CACNA1D: variants seen among roughly 807,000 people sequenced by gnomAD.
CACNA1D encodes calcium voltage-gated channel subunit alpha1 D, also known as voltage-dependent L-type calcium channel subunit alpha-1D.
CACNA1D carries 55 observed loss-of-function variants against 257.1 expected under a neutral mutation model. The observed-to-expected ratio is 0.21, with a 90% CI of 0.17 to 0.27. CACNA1D has a LOEUF of 0.27. Among genes scored for constraint, CACNA1D ranks in the 10% least tolerant of loss-of-function variants. The pLI is 1.00. For synonymous variants in CACNA1D, 980 were observed against 1,014.9 expected, an observed-to-expected ratio of 0.97 and a Z score of 0.65; for missense variants, 1,876 against 2,784.0, an observed-to-expected ratio of 0.67 and a Z score of 7.34.
intron 39 of CACNA1D, chr3:53,782,377 T>C (rs962257694): frequency 2.6e-5 from 4 of 151,214 alleles, no homozygotes; most frequent in Admixed American, 2.6e-4. Flanking sequence ...TTTCCAAGTT[T>C]TAAAGGTGCA....
intron 9 of CACNA1D, among the ~76,000 whole-genome samples, chr3:53,709,263 T>A (rs2094724313): frequency 6.6e-6 from 1 of 152,200 alleles, no homozygotes; most frequent in Non-Finnish European, 1.5e-5. Flanking sequence ...ATACATTCAT[T>A]CTTCTTCACA....
intron 3 of CACNA1D, among the ~76,000 whole-genome samples, chr3:53,647,386 C>T (rs112590400): frequency 1.5e-3 from 222 of 152,278 alleles, no homozygotes; most frequent in African/African-American, 4.9e-3. Flanking sequence ...ATACCAGGGA[C>T]GCCTCATTTC....
In CACNA1D at chr3:53,639,846, C is replaced by T. The variant is rs1428057100; in HGVS notation, c.484-10933C>T. Among the ~76,000 whole-genome samples the T allele has an allele frequency of 2.7e-5, 4 of 146,894 alleles. No homozygotes were observed. The East Asian group carries it at 8.1e-4, about 30-fold the overall frequency. ...CCAGTTCCTGCCATTTTGAAATGTT[C>T]ACTCATTTCTTACTTTTTTTTTTTT... On this transcript the variant is annotated intron_variant, in intron 3 of 47. Transcript: ENST00000350061.
At chr3:53,682,925 C>T (rs968017703) in intron 8 of CACNA1D, among the ~76,000 whole-genome samples, 4 of 152,260 alleles carry the variant, frequency 2.6e-5, no homozygotes, top group East Asian at 1.9e-4. Flanking sequence ...GCAATCCCTA[C>T]GAGAAGGGAA....
At chr3:53,633,273 G>A (rs2093843030) in intron 3 of CACNA1D, among the ~76,000 whole-genome samples, 1 of 152,180 alleles carries the variant, frequency 6.6e-6, no homozygotes, top group Non-Finnish European at 1.5e-5. Flanking sequence ...TGGGCAGATT[G>A]CTTTGAGCTC....
chr3:53,746,654 C>G (rs1031667871), intron 25 of CACNA1D, among the ~76,000 whole-genome samples: 1 of 152,206 alleles, frequency 6.6e-6, no homozygotes, highest in African/African-American at 2.4e-5. Context: ...TCCAGAGGCA[C>G]CGTTCACACA....
At chr3:53,636,427 C>T (rs1322202257) in intron 3 of CACNA1D, among the ~76,000 whole-genome samples, 1 of 152,172 alleles carries the variant, frequency 6.6e-6, no homozygotes, top group Non-Finnish European at 1.5e-5. Context: ...CCTCAGCCTC[C>T]TGAGTAGTTG....
chr3:53,522,911 A>G (rs2091632877), intron 3 of CACNA1D, among the ~76,000 whole-genome samples: 1 of 152,140 alleles, frequency 6.6e-6, no homozygotes, highest in Middle Eastern at 3.4e-3. Flanking sequence ...ACCTCTCTTC[A>G]TCCCCCTCCA....
At chr3:53,712,313 C>T (rs903725228) in intron 9 of CACNA1D, among the ~76,000 whole-genome samples, 1 of 152,178 alleles carries the variant, frequency 6.6e-6, no homozygotes, top group East Asian at 1.9e-4. Context: ...GGAAGGACTC[C>T]GACCCTGCTG....
intron 3 of CACNA1D, among the ~76,000 whole-genome samples, chr3:53,512,981 A>G (rs966667495): frequency 6.6e-6 from 1 of 152,240 alleles, no homozygotes; most frequent in Non-Finnish European, 1.5e-5. Flanking sequence ...CATTTATTTT[A>G]TGGAAATAGC....
intron 2 of CACNA1D, among the ~76,000 whole-genome samples, chr3:53,499,165 G>A (rs1047803295): frequency 1.3e-5 from 2 of 152,160 alleles, no homozygotes; most frequent in Admixed American, 6.5e-5. Context: ...TGCATGCAGA[G>A]TGAATTCCTG....
chr3:53,756,792 G>A (rs1333204105), intron 29 of CACNA1D, among the ~76,000 whole-genome samples: 1 of 152,166 alleles, frequency 6.6e-6, no homozygotes, highest in Non-Finnish European at 1.5e-5. Context: ...GCACTTCTGT[G>A]GAGTAAGAAG....
chr3:53,721,115 G>A lies in CACNA1D; in HGVS notation c.1506-1199G>A, dbSNP rs182766460. On this transcript the variant is annotated intron_variant, in intron 11 of 47. Coordinates refer to ENST00000350061, the MANE Select transcript of CACNA1D (RefSeq NM_001128840.3). ...TCCTAGGAGAAACCCAGCTGTGAGC[G>A]GGACAGTCTTTAGTGTCCTTAGTAG... Among the ~76,000 whole-genome samples, 5 of 152,296 alleles carry A rather than the reference G, an allele frequency of 3.3e-5. No individual in the cohort carries two copies. In the East Asian group the frequency reaches 5.8e-4, roughly 18 times the overall value.
intron 20 of CACNA1D, among the ~76,000 whole-genome samples, chr3:53,739,465 T>C (rs2612029): frequency 0.89 from 135,791 of 152,250 alleles, 60,774 homozygotes; most frequent in East Asian, 0.99. Flanking sequence ...CTTGCCTCCA[T>C]GGCTCCGAGG....
chr3:53,606,908 A>T (rs1427161656), intron 3 of CACNA1D, among the ~76,000 whole-genome samples: 2 of 152,194 alleles, frequency 1.3e-5, no homozygotes, highest in Non-Finnish European at 2.9e-5. Flanking sequence ...TACAAGTTAT[A>T]TTCACGTTTC....
chr3:53,603,145 G>T (rs1305020485), intron 3 of CACNA1D, among the ~76,000 whole-genome samples: 1 of 152,200 alleles, frequency 6.6e-6, no homozygotes, highest in Non-Finnish European at 1.5e-5. Flanking sequence ...TTGCATCTGC[G>T]GCTTTCTGAG....
intron 9 of CACNA1D, among the ~76,000 whole-genome samples, chr3:53,705,149 G>C (rs1267994275): frequency 1.3e-5 from 2 of 152,160 alleles, no homozygotes; most frequent in Non-Finnish European, 2.9e-5. Context: ...CCATTGTTAA[G>C]GCCCAGCACT....
chr3:53,601,723 C>T (rs370175212), intron 3 of CACNA1D, among the ~76,000 whole-genome samples: 44 of 152,042 alleles, frequency 2.9e-4, no homozygotes, highest in African/African-American at 8.4e-4. Context: ...TTTTTTGAGA[C>T]GGAGTCTCAC....
intron 8 of CACNA1D, chr3:53,679,755 A>C (rs945015147): frequency 6.6e-6 from 1 of 152,232 alleles, no homozygotes; most frequent in African/African-American, 2.4e-5. Flanking sequence ...TTTGGTTTGA[A>C]GAGGCTAATA....
Sources: allele counts gnomAD v4.1 joint callset (sites outside exome capture counted in the v4.1 genomes callset), GRCh38; gene constraint gnomAD v4.1.1; transcripts MANE v1.5; gene names NCBI Gene and HGNC (gene_info 2026-07-23, HGNC 2026-07-21).